Variants in PRKCH observed in about 807,000 individuals in gnomAD.
PRKCH encodes protein kinase C eta.
A neutral mutation model predicts 82.5 loss-of-function variants in PRKCH; 28 were observed. The observed-to-expected ratio is 0.34, with a 90% confidence interval of 0.25 to 0.47. PRKCH has a LOEUF of 0.47. Among genes scored for constraint, PRKCH ranks in the 20% least tolerant of loss-of-function variants. The probability of loss-of-function intolerance (pLI) is 1.00; values close to 1 mark genes in which losing one functional copy is unlikely to be tolerated. For missense variants in PRKCH, 705 were observed against 881.8 expected (o/e 0.80, Z 2.54); for synonymous variants, 322 against 327.4 (o/e 0.98, Z 0.18).
chr14:61,279,903 C>T (rs145221788), intron 1 of PRKCH: 1 of 599,760 alleles, frequency 1.7e-6, no homozygotes. Flanking sequence ...GTCAACATCC[C>T]TCCCCGCGGC....
At chr14:61,453,402 A>T in intron 7 of PRKCH, 49 bp downstream of exon 7, 1 of 1,591,750 alleles carries the variant, frequency 6.3e-7, no homozygotes, top group Non-Finnish European at 8.6e-7. Context: ...AGTTGCTCAG[A>T]TGTGATGAGC....
chr14:61,307,669 C>T (rs1053944949), intron 1 of PRKCH, among the ~76,000 whole-genome samples: 2 of 152,278 alleles, frequency 1.3e-5, no homozygotes, highest in Middle Eastern at 3.4e-3. Flanking sequence ...TCGTCTGGCC[C>T]ATCTTATTAC....
At chr14:61,345,407 G>C (rs1477806902) in intron 1 of PRKCH, among the ~76,000 whole-genome samples, 6 of 152,192 alleles carry the variant, frequency 3.9e-5, no homozygotes, top group Non-Finnish European at 8.8e-5. Flanking sequence ...TCTCCATCCA[G>C]AGGCTTTAAC....
rs77149343 is a variant in PRKCH at position 61,215,746 on chromosome 14, G to A, written c.-19+28078G>A. Among the ~76,000 whole-genome samples, 44 of 152,294 alleles carry A rather than the reference G, an allele frequency of 2.9e-4. 1 individual carries two copies. The highest frequency in any genetic ancestry group is 2.6e-4 in the Non-Finnish European group (18 of 68,036). On this transcript the variant is annotated intron_variant, in intron 1 of 3. Transcript: ENST00000555185. ...TTGCCATGTTTCGATAGAAGAGTACGACCCTGCTATAGCTATGTTCCACTT... is the reference window on the plus strand; with the variant it reads ...TTGCCATGTTTCGATAGAAGAGTACAACCCTGCTATAGCTATGTTCCACTT...
Position 61,199,962 on chromosome 14 carries a change from A to G in PRKCH, c.-19+12294A>G, listed in dbSNP as rs114872218. Among the ~76,000 whole-genome samples the G allele has an allele frequency of 6.0e-3, 908 of 152,328 alleles. 9 individuals are homozygous for G. The highest frequency in any genetic ancestry group is 0.02 in the African/African-American group (849 of 41,570). On this transcript the variant is annotated intron_variant, in intron 1 of 3. Coordinates refer to the PRKCH transcript ENST00000555185. Reference sequence around the variant, plus strand: ...GATACACAAGCTAGCTTTCCTTATCAAGGAACAGAAATATTCCTTCCTCTT... The same window carrying G: ...GATACACAAGCTAGCTTTCCTTATCGAGGAACAGAAATATTCCTTCCTCTT...
chr14:61,488,821 A>G (rs1886335922), intron 10 of PRKCH, among the ~76,000 whole-genome samples: 1 of 152,190 alleles, frequency 6.6e-6, no homozygotes, highest in Non-Finnish European at 1.5e-5. Context: ...CTGATGAAGC[A>G]GTGCCAGCCC....
rs1360544314 is a variant in PRKCH, at chr14:61,449,258, A to G, written c.702+6A>G. 42 of 1,607,192 alleles carry G rather than the reference A, an allele frequency of 2.6e-5. No individual in the cohort carries two copies. The highest frequency in any genetic ancestry group is 3.3e-5 in the Non-Finnish European group (39 of 1,173,862). ...TTAACAAAGTGGATTCAAAGGTAAG[A>G]GGATAGCAGTTTGCTGATTAAATGT... On this transcript the variant is annotated splice_donor_region_variant and intron_variant, in intron 5 of 13. Coordinates refer to ENST00000332981, the MANE Select transcript of PRKCH (RefSeq NM_006255.5).
intron 11 of PRKCH, 81 bp downstream of exon 11, chr14:61,529,294 G>C (rs2043013501): frequency 6.7e-7 from 1 of 1,496,252 alleles, no homozygotes; most frequent in African/African-American, 1.4e-5. Flanking sequence ...CTGCTTTTAT[G>C]CACTGCAGCT....
At chr14:61,332,030 A>G (rs931302960) in intron 1 of PRKCH, among the ~76,000 whole-genome samples, 7 of 152,334 alleles carry the variant, frequency 4.6e-5, no homozygotes, top group African/African-American at 1.2e-4. Context: ...TCCTTGTTCT[A>G]TGGGATGGTT....
intron 2 of PRKCH, among the ~76,000 whole-genome samples, chr14:61,400,708 T>G (rs1328923679): frequency 6.6e-6 from 1 of 152,210 alleles, no homozygotes; most frequent in Admixed American, 6.5e-5. Context: ...TATTTTCTGG[T>G]AGCAGGATAA....
chr14:61,293,678 A>G (rs1024389914), intron 1 of PRKCH, among the ~76,000 whole-genome samples: 1 of 152,084 alleles, frequency 6.6e-6, no homozygotes, highest in Non-Finnish European at 1.5e-5. Flanking sequence ...ATTTAGCTAG[A>G]TTTTTTATTG....
chr14:61,260,418 T>A (rs1441236437), intron 1 of PRKCH, among the ~76,000 whole-genome samples: 1 of 152,178 alleles, frequency 6.6e-6, no homozygotes, highest in Non-Finnish European at 1.5e-5. Flanking sequence ...CAGTATCAAT[T>A]CTTCCGTCTA....
chr14:61,515,718 C>T (rs1049572112), intron 10 of PRKCH, among the ~76,000 whole-genome samples: 2 of 152,132 alleles, frequency 1.3e-5, no homozygotes, highest in African/African-American at 2.4e-5. Context: ...AGATGTGTCA[C>T]TTAATAGTAG....
intron 1 of PRKCH, among the ~76,000 whole-genome samples, chr14:61,326,154 A>G (rs1221033154): frequency 1.3e-5 from 2 of 152,254 alleles, no homozygotes; most frequent in Non-Finnish European, 2.9e-5. Flanking sequence ...GAGTGTTCAT[A>G]GCATCTTTAT....
chr14:61,481,451 G>A (rs577762949), intron 9 of PRKCH, among the ~76,000 whole-genome samples: 2 of 152,272 alleles, frequency 1.3e-5, no homozygotes, highest in South Asian at 4.1e-4. Flanking sequence ...GGGCAACAAG[G>A]ATGCAACAAT....
At chr14:61,491,758 TA>T (rs1288484153) in intron 10 of PRKCH, among the ~76,000 whole-genome samples, 1 of 152,230 alleles carries the variant, frequency 6.6e-6, no homozygotes, top group Non-Finnish European at 1.5e-5. Context: ...GGAGATCTTT[TA>T]ACAAGTATTT....
rs191036862 is a variant in PRKCH, at chr14:61,458,794, T to C, written c.1278+1115T>C. Among the ~76,000 whole-genome samples, 133 of 151,982 alleles carry C rather than the reference T, an allele frequency of 8.8e-4. 2 individuals are homozygous for C. The highest frequency in any genetic ancestry group is 3.0e-3 in the African/African-American group (125 of 41,444). On this transcript the variant is annotated intron_variant, in intron 9 of 13. Transcript: ENST00000332981. ...AGTGAAGGGGGAAAAGCTACACACT[T>C]TCAAACAGCCAGATCTCATGAGAGC...
chr14:61,367,716 CTTT>C lies in PRKCH; in HGVS notation c.364-23492_364-23490del, dbSNP rs34427789. The stretch of plus-strand genomic sequence containing the variant: ...CCCAGGCTCTTAATCTGGAGAACTC[CTTT>C]TTTTTTTTTTTTTTTTAAACAGTCT... On this transcript the variant is annotated intron_variant, in intron 1 of 13. Transcript: ENST00000332981. Among the ~76,000 whole-genome samples the C allele has an allele frequency of 6.3e-3, 867 of 137,350 alleles. 20 individuals are homozygous for C. Among genetic ancestry groups the C allele is most frequent in the African/African-American group, 0.021 (754 of 36,528 alleles). 90.1% of individuals were successfully genotyped at this position (137,350 alleles called of 152,430 possible).
intron 7 of PRKCH, among the ~76,000 whole-genome samples, chr14:61,455,773 G>T (rs1884738897): frequency 6.6e-6 from 1 of 152,176 alleles, no homozygotes; most frequent in Non-Finnish European, 1.5e-5. Flanking sequence ...TTGATCTGTT[G>T]TCTAGTGGTA....
Sources: gnomAD v4.1 joint callset for allele counts (sites outside exome capture counted in the v4.1 genomes callset) on GRCh38, gnomAD v4.1.1 for gene constraint, MANE v1.5 for transcripts, NCBI Gene and HGNC (gene_info 2026-07-23, HGNC 2026-07-21) for gene names.